Variants in NREP observed in about 807,000 individuals in gnomAD.
NREP encodes neuronal regeneration related protein.
A neutral mutation model predicts 8.6 loss-of-function variants in NREP; 5 were observed. That is an observed-to-expected ratio of 0.58 (90% confidence interval 0.30 to 1.22). NREP has a LOEUF of 1.22. Among genes scored for constraint, NREP ranks in the 50% most tolerant of loss-of-function variants. The pLI is 0.07. For synonymous variants in NREP, 27 were observed against 28.0 expected, an observed-to-expected ratio of 0.96 and a Z score of 0.11; for missense variants, 86 against 82.5, an observed-to-expected ratio of 1.04 and a Z score of -0.17.
chr5:111,947,015 G>GT (rs1756006365), intron 2 of NREP, among the ~76,000 whole-genome samples: 1 of 152,046 alleles, frequency 6.6e-6, no homozygotes, highest in Non-Finnish European at 1.5e-5. Context: ...TAGTTAATGA[G>GT]TTTTAACTCT....
At chr5:111,955,481 A>C (rs1561366787) in intron 2 of NREP, among the ~76,000 whole-genome samples, 1 of 112,792 alleles carries the variant, frequency 8.9e-6, no homozygotes. Context: ...AAAAAAAAAA[A>C]CAAAAAACAA....
chr5:111,974,896 G>C (rs1482783482), intron 2 of NREP, among the ~76,000 whole-genome samples: 2 of 152,224 alleles, frequency 1.3e-5, no homozygotes, highest in Non-Finnish European at 1.5e-5. Flanking sequence ...TACTCAAGGA[G>C]TTTGGAGAAA....
intron 2 of NREP, among the ~76,000 whole-genome samples, chr5:111,932,783 T>A (rs1041923421): frequency 6.6e-6 from 1 of 152,070 alleles, no homozygotes; most frequent in Non-Finnish European, 1.5e-5. Context: ...TGATTCATAC[T>A]GCCGCGGAAG....
chr5:111,840,142 T>C (rs1561688455), intron 2 of NREP, among the ~76,000 whole-genome samples: 1 of 152,062 alleles, frequency 6.6e-6, no homozygotes, highest in Non-Finnish European at 1.5e-5. Flanking sequence ...GCATGTCTCA[T>C]ATAATTTATA....
chr5:111,853,763 G>A (rs1231760576), intron 2 of NREP, among the ~76,000 whole-genome samples: 1 of 151,872 alleles, frequency 6.6e-6, no homozygotes. Context: ...AGGCAACAGA[G>A]GGTGGTTCCT....
At chr5:111,962,191 A>G (rs1756499145) in intron 2 of NREP, among the ~76,000 whole-genome samples, 1 of 152,160 alleles carries the variant, frequency 6.6e-6, no homozygotes, top group Admixed American at 6.5e-5. Flanking sequence ...TTTGTTTTTA[A>G]TCACCTACAG....
At chr5:111,886,243 A>G (rs1259306783) in intron 2 of NREP, among the ~76,000 whole-genome samples, 1 of 152,242 alleles carries the variant, frequency 6.6e-6, no homozygotes, top group East Asian at 1.9e-4. Flanking sequence ...ACTGGCCATC[A>G]AAGAAGTGCA....
chr5:111,963,775 C>A (rs1581255548), intron 2 of NREP, among the ~76,000 whole-genome samples: 1 of 152,188 alleles, frequency 6.6e-6, no homozygotes, highest in East Asian at 1.9e-4. Context: ...TTTACAGGAA[C>A]AGAAACTGAG....
intron 2 of NREP, among the ~76,000 whole-genome samples, chr5:111,808,399 G>T (rs1301895481): frequency 6.6e-6 from 1 of 152,146 alleles, no homozygotes; most frequent in African/African-American, 2.4e-5. Flanking sequence ...TCTCTATTAG[G>T]CTGGTTAATC....
chr5:111,783,657 T>C (rs1751545270), intron 2 of NREP, among the ~76,000 whole-genome samples: 1 of 152,216 alleles, frequency 6.6e-6, no homozygotes, highest in Non-Finnish European at 1.5e-5. Context: ...ATGTTTTAGC[T>C]TGAATGAGTG....
upstream of NREP, among the ~76,000 whole-genome samples, chr5:111,760,208 G>T (rs578073202): frequency 1.3e-5 from 2 of 152,308 alleles, no homozygotes; most frequent in African/African-American, 4.8e-5. Flanking sequence ...CTACCCATCA[G>T]ATGCCTGTAG....
rs960070545 is a variant in NREP at position 111,893,857 on chromosome 5, G to A, written c.135+81417C>T. On this transcript the variant is annotated intron_variant, in intron 2 of 3. Coordinates refer to the NREP transcript ENST00000395634. ...AATGGGAACAGAATTTTTACAGGGCGGGCTAAAAAATACAATGATGTTAAA... is the reference window on the plus strand; with the variant it reads ...AATGGGAACAGAATTTTTACAGGGCAGGCTAAAAAATACAATGATGTTAAA... 3.3e-5 allele frequency among the ~76,000 whole-genome samples: 5 copies of A among 151,748 alleles called. No individual in the cohort carries two copies. In the South Asian group the frequency reaches 6.3e-4, roughly 19 times the overall value.
intron 2 of NREP, among the ~76,000 whole-genome samples, chr5:111,850,395 T>C (rs2112466645): frequency 6.6e-6 from 1 of 152,290 alleles, no homozygotes; most frequent in South Asian, 2.1e-4. Flanking sequence ...TTTTCAAATG[T>C]CTGCAGCATA....
chr5:111,970,822 T>A (rs552689706), intron 2 of NREP, among the ~76,000 whole-genome samples: 9 of 68,312 alleles, frequency 1.3e-4, no homozygotes, highest in Admixed American at 5.0e-4. Context: ...CAAGACTCCA[T>A]CTCAAAAAAA....
chr5:111,785,034 C>A (rs966960574), intron 2 of NREP, among the ~76,000 whole-genome samples: 1 of 152,068 alleles, frequency 6.6e-6, no homozygotes, highest in African/African-American at 2.4e-5. Flanking sequence ...GACTATCTTG[C>A]CTAGGGAGAA....
At chr5:111,806,727 T>C in intron 2 of NREP, among the ~76,000 whole-genome samples, 1 of 143,504 alleles carries the variant, frequency 7.0e-6, no homozygotes, top group East Asian at 2.6e-4. Flanking sequence ...TTGTTTGTTT[T>C]AAAGGAAGGA....
At chr5:111,776,955 A>G (rs542455770) in intron 2 of NREP, among the ~76,000 whole-genome samples, 32 of 151,982 alleles carry the variant, frequency 2.1e-4, no homozygotes, top group African/African-American at 7.0e-4. Context: ...TTATACCTCA[A>G]TGAAAAAGTA....
chr5:111,798,537 C>A (rs2112900959), intron 2 of NREP, among the ~76,000 whole-genome samples: 1 of 152,074 alleles, frequency 6.6e-6, no homozygotes, highest in Non-Finnish European at 1.5e-5. Context: ...TCCCCCGAGT[C>A]CCCAAAGTCC....
chr5:111,730,151 C>G lies in NREP; in HGVS notation c.*770G>C, dbSNP rs1377898409. ...CTGCATGTCCGTGAGCGCCAGCCAA[C>G]GAGACAATGGTCTCTCACACTCTGG... On this transcript the variant is annotated 3_prime_UTR_variant, in exon 4 of 4. Coordinates refer to ENST00000257435, the MANE Select transcript of NREP (RefSeq NM_004772.4). 1 of 152,514 alleles carries G rather than the reference C, an allele frequency of 6.6e-6. No individual in the cohort carries two copies. The highest frequency in any genetic ancestry group is 1.5e-5 in the Non-Finnish European group (1 of 68,036). 9.4% of individuals were successfully genotyped at this position (152,514 alleles called of 1,614,324 possible).
Sources: gnomAD v4.1 joint callset for allele counts (sites outside exome capture counted in the v4.1 genomes callset) on GRCh38, gnomAD v4.1.1 for gene constraint, MANE v1.5 for transcripts, NCBI Gene and HGNC (gene_info 2026-07-23, HGNC 2026-07-21) for gene names.